Variants in KCNQ5 observed in about 807,000 individuals in gnomAD.
KCNQ5 encodes potassium voltage-gated channel subfamily Q member 5, also known as potassium voltage-gated channel subfamily KQT member 5.
KCNQ5 carries 30 observed loss-of-function variants against 98.2 expected under a neutral mutation model. The ratio of observed to expected loss-of-function variants is 0.31; its 90% CI spans 0.23 to 0.41. KCNQ5 has a LOEUF of 0.41. Ranked by LOEUF, KCNQ5 falls within the 10% of genes least tolerant of loss-of-function variation. The pLI, the probability that KCNQ5 is intolerant of heterozygous loss-of-function variation, is 1.00. For synonymous variants in KCNQ5, 458 were observed against 449.4 expected, an observed-to-expected ratio of 1.02 and a Z score of -0.24; for missense variants, 835 against 1,182.5, an observed-to-expected ratio of 0.71 and a Z score of 4.31.
intron 2 of KCNQ5, among the ~76,000 whole-genome samples, chr6:73,025,219 G>A (rs1276761744): frequency 6.6e-6 from 1 of 152,168 alleles, no homozygotes. Flanking sequence ...TGGAGAAAAG[G>A]ATGGCAATTT....
At chr6:73,067,882 ATATATATATATATATATATAT>A (rs1562159048) in intron 3 of KCNQ5, among the ~76,000 whole-genome samples, 7,709 of 149,688 alleles carry the variant, frequency 0.052, 210 homozygotes, top group East Asian at 0.11. Flanking sequence ...ATATATATAT[ATATATATATATATATATATAT>A]ATAACTAAAA....
chr6:73,157,229 G>A (rs1182466710), intron 10 of KCNQ5, among the ~76,000 whole-genome samples: 1 of 152,240 alleles, frequency 6.6e-6, no homozygotes, highest in Non-Finnish European at 1.5e-5. Context: ...GGCCTTGCAG[G>A]GTCCAAGTGA....
chr6:73,057,236 C>A (rs1451353642), intron 3 of KCNQ5, among the ~76,000 whole-genome samples: 1 of 148,516 alleles, frequency 6.7e-6, no homozygotes, highest in Admixed American at 6.9e-5. Context: ...GGACAGAAAA[C>A]CAAACACCAC....
intron 1 of KCNQ5, among the ~76,000 whole-genome samples, chr6:72,778,581 A>T (rs1282413619): frequency 7.1e-6 from 1 of 141,430 alleles, no homozygotes; most frequent in African/African-American, 2.6e-5. Flanking sequence ...AAAACTGCTA[A>T]AAGAATAGAT....
intron 1 of KCNQ5, among the ~76,000 whole-genome samples, chr6:72,713,819 A>G (rs1167128100): frequency 6.6e-6 from 1 of 152,166 alleles, no homozygotes; most frequent in Non-Finnish European, 1.5e-5. Flanking sequence ...ACCACTTAAG[A>G]TGATATTCCC....
chr6:72,746,064 CAAAAAAAAAAAAAAAAAAAAAA>C (rs59726566), intron 1 of KCNQ5, among the ~76,000 whole-genome samples: 10 of 80,148 alleles, frequency 1.2e-4, no homozygotes, highest in African/African-American at 3.5e-4. Flanking sequence ...ACTCTATTTG[CAAAAAAAAAAAAAAAAAAAAAA>C]AAAAAAAAAA....
At chr6:73,037,061 A>G (rs932550050) in intron 2 of KCNQ5, among the ~76,000 whole-genome samples, 1 of 152,198 alleles carries the variant, frequency 6.6e-6, no homozygotes, top group African/African-American at 2.4e-5. Flanking sequence ...CTAGCTGTGT[A>G]GTGATACCAT....
intron 1 of KCNQ5, among the ~76,000 whole-genome samples, chr6:72,735,069 A>C (rs117129773): frequency 0.02 from 3,036 of 152,338 alleles, 47 homozygotes; most frequent in Non-Finnish European, 0.03. Context: ...CTACTTGTGG[A>C]TAGTTTAGCA....
intron 1 of KCNQ5, among the ~76,000 whole-genome samples, chr6:72,811,461 T>C (rs1775237019): frequency 6.6e-6 from 1 of 152,140 alleles, no homozygotes; most frequent in South Asian, 2.1e-4. Context: ...TAATTATTTT[T>C]CTGTTTGTGG....
intron 1 of KCNQ5, among the ~76,000 whole-genome samples, chr6:72,682,197 T>TA (rs1167747571): frequency 1.3e-5 from 2 of 152,088 alleles, no homozygotes; most frequent in Admixed American, 6.6e-5. Flanking sequence ...AGCACAGTAT[T>TA]AAAAAAACAA....
At chr6:72,952,143 A>G (rs1390000251) in intron 1 of KCNQ5, among the ~76,000 whole-genome samples, 2 of 152,214 alleles carry the variant, frequency 1.3e-5, no homozygotes, top group East Asian at 1.9e-4. Flanking sequence ...TAAGATTAGT[A>G]TTTTTGGATA....
chr6:73,186,512 C>T (rs1778576443), intron 11 of KCNQ5, among the ~76,000 whole-genome samples: 1 of 152,196 alleles, frequency 6.6e-6, no homozygotes. Flanking sequence ...TTGCCAATTT[C>T]TGTAGTGTAA....
At chr6:73,162,765 A>G (rs1038736997) in intron 10 of KCNQ5, among the ~76,000 whole-genome samples, 1 of 151,930 alleles carries the variant, frequency 6.6e-6, no homozygotes, top group Non-Finnish European at 1.5e-5. Context: ...ATGGATGAGG[A>G]AAAAAAAATT....
chr6:73,062,749 T>C (rs1772838812), intron 3 of KCNQ5, among the ~76,000 whole-genome samples: 1 of 152,206 alleles, frequency 6.6e-6, no homozygotes, highest in Non-Finnish European at 1.5e-5. Flanking sequence ...AGTGCTTAAT[T>C]TGCATGCATG....
intron 5 of KCNQ5, among the ~76,000 whole-genome samples, chr6:73,087,816 G>T (rs1362226313): frequency 3.9e-5 from 6 of 152,064 alleles, no homozygotes; most frequent in African/African-American, 1.4e-4. Flanking sequence ...TGAGCTGAAT[G>T]CTTCTGAAAG....
chr6:73,110,115 T>G (rs943290343), intron 6 of KCNQ5, among the ~76,000 whole-genome samples: 8 of 152,036 alleles, frequency 5.3e-5, no homozygotes, highest in East Asian at 1.9e-4. Context: ...ACTCTAAAAA[T>G]AAAAAGAAAA....
intron 1 of KCNQ5, among the ~76,000 whole-genome samples, chr6:72,671,073 C>A (rs1767077884): frequency 6.6e-6 from 1 of 152,158 alleles, no homozygotes; most frequent in Non-Finnish European, 1.5e-5. Flanking sequence ...GGTCCTCATC[C>A]AAATGACCTT....
intron 1 of KCNQ5, among the ~76,000 whole-genome samples, chr6:72,693,945 C>CT (rs1285144405): frequency 6.6e-6 from 1 of 152,050 alleles, no homozygotes; most frequent in East Asian, 1.9e-4. Context: ...CCATATTTCT[C>CT]TTTTATTTAT....
intron 1 of KCNQ5, among the ~76,000 whole-genome samples, chr6:72,911,060 T>C (rs1779924123): frequency 6.6e-6 from 1 of 152,168 alleles, no homozygotes; most frequent in Admixed American, 6.5e-5. Context: ...AGTTTTTAAC[T>C]GTATCCCAAG....
Sources: gnomAD v4.1 joint callset for allele counts (sites outside exome capture counted in the v4.1 genomes callset) on GRCh38, gnomAD v4.1.1 for gene constraint, MANE v1.5 for transcripts, NCBI Gene and HGNC (gene_info 2026-07-23, HGNC 2026-07-21) for gene names.